Variants in VIT observed in about 807,000 individuals in gnomAD.
VIT encodes the protein vitrin.
A neutral mutation model predicts 78.0 loss-of-function variants in VIT; 99 were observed. That is an observed-to-expected ratio of 1.27 (90% confidence interval 1.08 to 1.50). The LOEUF (loss-of-function observed/expected upper bound fraction) is 1.50, where lower values mean the gene tolerates loss of function less well. Ranked by LOEUF, VIT falls within the 40% of genes most tolerant of loss-of-function variation. The probability of loss-of-function intolerance (pLI) is 0.00; values close to 1 mark genes in which losing one functional copy is unlikely to be tolerated. For synonymous variants in VIT, 374 were observed against 334.3 expected, an observed-to-expected ratio of 1.12 and a Z score of -1.29; for missense variants, 1,126 against 875.3, an observed-to-expected ratio of 1.29 and a Z score of -3.61.
chr2:36,791,627 T>G (rs1396007360), intron 12 of VIT, among the ~76,000 whole-genome samples: 1 of 152,156 alleles, frequency 6.6e-6, no homozygotes, highest in African/African-American at 2.4e-5. Flanking sequence ...GGAAGCATAG[T>G]CAGAGAGATG....
At chr2:36,716,501 T>C in intron 2 of VIT, 79 bp downstream of exon 2, 1 of 1,321,454 alleles carries the variant, frequency 7.6e-7, no homozygotes. Context: ...AGAAAAGTTT[T>C]AAACCAAGAC....
chr2:36,793,141 G>A (rs1665624879), intron 12 of VIT, among the ~76,000 whole-genome samples: 1 of 152,162 alleles, frequency 6.6e-6, no homozygotes, highest in South Asian at 2.1e-4. Context: ...GCCCTGTGAT[G>A]TGGTTGCAGA....
intron 7 of VIT, among the ~76,000 whole-genome samples, chr2:36,770,503 A>G (rs1310396654): frequency 6.6e-6 from 1 of 152,202 alleles, no homozygotes; most frequent in Admixed American, 6.5e-5. Context: ...TAACTGACCC[A>G]TAAATGTGCA....
At chr2:36,753,355 C>G (rs905536867) in intron 4 of VIT, among the ~76,000 whole-genome samples, 1 of 150,438 alleles carries the variant, frequency 6.6e-6, no homozygotes, top group Admixed American at 7.1e-5. Flanking sequence ...CACATGTACC[C>G]CTGAACTTAA....
intron 4 of VIT, among the ~76,000 whole-genome samples, chr2:36,748,891 G>T (rs968426232): frequency 1.3e-5 from 2 of 152,138 alleles, no homozygotes; most frequent in Non-Finnish European, 2.9e-5. Context: ...TTGATATTTG[G>T]TTTTTCTGTG....
intron 14 of VIT, 45 bp downstream of exon 14, chr2:36,805,709 A>T (rs751866482): frequency 3.2e-6 from 5 of 1,581,294 alleles, no homozygotes; most frequent in Non-Finnish European, 4.3e-6. Context: ...GATTTTCTGC[A>T]CTCTGAAAAA....
chr2:36,801,174 T>C (rs1369794088), intron 12 of VIT, 127 bp from the exon 13 acceptor site: 3 of 851,544 alleles, frequency 3.5e-6, no homozygotes, highest in African/African-American at 3.4e-5. Context: ...TGGGACATTT[T>C]ACAAGGCATA....
At chr2:36,770,449 A>G (rs546387676) in intron 7 of VIT, among the ~76,000 whole-genome samples, 3 of 152,334 alleles carry the variant, frequency 2.0e-5, no homozygotes, top group Admixed American at 1.3e-4. Flanking sequence ...GAGCTGATGC[A>G]GGTGGAAGGT....
Position 36,717,355 on chromosome 2 carries a change from T to C in VIT, c.52+933T>C, listed in dbSNP as rs1455119026. Among the ~76,000 whole-genome samples, 1,120 of 139,092 alleles carry C rather than the reference T, an allele frequency of 8.1e-3. 21 individuals are homozygous for C. Among genetic ancestry groups the C allele is most frequent in the African/African-American group, 0.03 (1,073 of 35,972 alleles). 91.2% of individuals were successfully genotyped at this position (139,092 alleles called of 152,430 possible). Reference sequence around the variant, plus strand: ...GCTAATGTGTGTGTGTGTGTGTGTGTGTGTGTGTGTGTGTGTGTGTGTGTG... The same window carrying C: ...GCTAATGTGTGTGTGTGTGTGTGTGCGTGTGTGTGTGTGTGTGTGTGTGTG... On this transcript the variant is annotated intron_variant, in intron 2 of 15. Transcript: ENST00000379242.
rs372083158 is a variant in VIT, at chr2:36,797,820, A to T, written c.1059-3481A>T. ...TAGAGGTTTAGAGATGCACAGAAAT[A>T]GAACAAAGAAATGTTAATGCTGTTA... On this transcript the variant is annotated intron_variant, in intron 12 of 15. Transcript: ENST00000379242. Among the ~76,000 whole-genome samples, 47 of 152,322 alleles carry T rather than the reference A, an allele frequency of 3.1e-4. No homozygotes were observed. The South Asian group carries it at 9.5e-3, about 31-fold the overall frequency.
intron 5 of VIT, among the ~76,000 whole-genome samples, chr2:36,757,716 T>A (rs748404689): frequency 1.3e-5 from 2 of 152,186 alleles, no homozygotes; most frequent in South Asian, 2.1e-4. Context: ...CAGAAGAAAT[T>A]TTTGCATCTC....
intron 12 of VIT, among the ~76,000 whole-genome samples, chr2:36,791,842 G>A (rs191554291): frequency 6.6e-6 from 1 of 152,256 alleles, no homozygotes; most frequent in Admixed American, 6.5e-5. Context: ...TGTTGTTTAA[G>A]CCACCAAGTT....
At chr2:36,775,876 T>C (rs1317130945) in intron 9 of VIT, among the ~76,000 whole-genome samples, 1 of 152,098 alleles carries the variant, frequency 6.6e-6, no homozygotes, top group African/African-American at 2.4e-5. Context: ...AGGAAGCCAT[T>C]TGCACACCCT....
intron 2 of VIT, among the ~76,000 whole-genome samples, chr2:36,726,103 C>T (rs1666828784): frequency 6.6e-6 from 1 of 150,924 alleles, no homozygotes; most frequent in Non-Finnish European, 1.5e-5. Context: ...GAAATTTTCA[C>T]AATATGTATC....
intron 7 of VIT, among the ~76,000 whole-genome samples, chr2:36,768,970 C>A (rs964348329): frequency 6.6e-6 from 1 of 152,042 alleles, no homozygotes; most frequent in Non-Finnish European, 1.5e-5. Flanking sequence ...ATAAGAATAC[C>A]GCAAAAAGAA....
rs772559362 is a variant in VIT, at chr2:36,781,802, C to A, written c.847+31C>A. On this transcript the variant is annotated intron_variant, in intron 10 of 15. Transcript: ENST00000379242. ...TATACAGCCCAACCTCTCAGCCACGCGTGGATCAAGATGCGCAGGATAGCA... is the reference window on the plus strand; with the variant it reads ...TATACAGCCCAACCTCTCAGCCACGAGTGGATCAAGATGCGCAGGATAGCA... 10 of 1,613,484 alleles carry A rather than the reference C, an allele frequency of 6.2e-6. No homozygotes were observed. In the Admixed American group the frequency reaches 1.7e-4, roughly 27 times the overall value.
At chr2:36,702,432 C>A (rs953911691) in intron 1 of VIT, among the ~76,000 whole-genome samples, 10 of 151,882 alleles carry the variant, frequency 6.6e-5, no homozygotes, top group African/African-American at 2.4e-4. Flanking sequence ...AGACCCTGTT[C>A]ATATTCCACT....
intron 15 of VIT, among the ~76,000 whole-genome samples, chr2:36,809,927 G>C (rs1667027326): frequency 6.7e-6 from 1 of 148,178 alleles, no homozygotes; most frequent in African/African-American, 2.5e-5. Flanking sequence ...GGAGTTGGAG[G>C]CTGCAGTGAT....
intron 6 of VIT, among the ~76,000 whole-genome samples, chr2:36,760,223 G>C (rs552282623): frequency 5.9e-5 from 9 of 152,140 alleles, no homozygotes; most frequent in African/African-American, 2.2e-4. Context: ...TCGATCTCTT[G>C]ACCTCATGAT....
Sources: gnomAD v4.1 joint callset for allele counts (sites outside exome capture counted in the v4.1 genomes callset) on GRCh38, gnomAD v4.1.1 for gene constraint, MANE v1.5 for transcripts, NCBI Gene and HGNC (gene_info 2026-07-23, HGNC 2026-07-21) for gene names.